Variants in DGCR2 observed in about 807,000 individuals in gnomAD.
The protein encoded by DGCR2 is DiGeorge syndrome critical region gene 2.
DGCR2 carries 24 observed loss-of-function variants against 51.6 expected under a neutral mutation model. The ratio of observed to expected loss-of-function variants is 0.47; its 90% confidence interval spans 0.34 to 0.65. The LOEUF is 0.65. Among genes scored for constraint, DGCR2 ranks in the 30% least tolerant of loss-of-function variants. DGCR2 has a pLI of 0.01. For synonymous variants in DGCR2, 340 were observed against 315.4 expected, an observed-to-expected ratio of 1.08 and a Z score of -0.82; for missense variants, 765 against 772.1, an observed-to-expected ratio of 0.99 and a Z score of 0.11.
chr22:19,059,916 T>C (rs182605077), intron 5 of DGCR2, among the ~76,000 whole-genome samples: 30 of 151,914 alleles, frequency 2.0e-4, no homozygotes, highest in Admixed American at 3.3e-4. Context: ...ATTGTTCGAG[T>C]GGTGGGGAGA....
chr22:19,073,743 C>T (rs538897338), intron 2 of DGCR2, among the ~76,000 whole-genome samples: 1 of 152,334 alleles, frequency 6.6e-6, no homozygotes, highest in East Asian at 1.9e-4. Context: ...AAAATAAGGA[C>T]ACTTCAGACA....
chr22:19,057,193 A>G lies in DGCR2; in HGVS notation c.626-31T>C. On this transcript the variant is annotated intron_variant, in intron 5 of 9. Transcript: ENST00000263196. The surrounding 1 kb of genome is among the most constrained non-coding windows in gnomAD (Gnocchi z 5.1). ...GGGGAGACAAAAGGTGGGGCTGGAC[A>G]ACATCACATCAGAGGACAAGCTGTG... 1 of 1,567,906 alleles carries G rather than the reference A, an allele frequency of 6.4e-7. No individual in the cohort carries two copies. The highest frequency in any genetic ancestry group is 8.7e-7 in the Non-Finnish European group (1 of 1,155,930).
chr22:19,115,015 G>C (rs891515036), intron 1 of DGCR2, among the ~76,000 whole-genome samples: 7 of 152,196 alleles, frequency 4.6e-5, no homozygotes, highest in Admixed American at 3.9e-4. Context: ...ACCTGTAGGG[G>C]ACAAGGGCAC....
At chr22:19,059,129 T>G (rs1414267874) in intron 5 of DGCR2, among the ~76,000 whole-genome samples, 1 of 151,546 alleles carries the variant, frequency 6.6e-6, no homozygotes, top group Non-Finnish European at 1.5e-5. Flanking sequence ...GTGATGAGGG[T>G]AGTGAAGGAA....
At chr22:19,044,020 G>A (rs926505654) in intron 7 of DGCR2, among the ~76,000 whole-genome samples, 6 of 152,220 alleles carry the variant, frequency 3.9e-5, no homozygotes, top group African/African-American at 1.2e-4. Flanking sequence ...GACTGGTGAC[G>A]TGCCTGTTCA....
rs781259836 is a variant in DGCR2, at chr22:19,048,605, C to T, written c.841G>A (p.Glu281Lys). 6.2e-7 allele frequency: 1 copy of T among 1,614,264 alleles called. No homozygotes were observed. Among genetic ancestry groups the T allele is most frequent in the Non-Finnish European group, 8.5e-7 (1 of 1,180,040 alleles). ...CVDIKDNVVDEGFYFTPKGDD... is the reference protein window; with the variant it reads ...CVDIKDNVVDKGFYFTPKGDD... ...CCCTTAGGGGTGAAGTAGAACCCTT[C>T]ATCCACCACGTTGTCCTTGATGTCA... The change falls in exon 7 of 10, where the codon GAA becomes AAA. Residue 281 changes from glutamate (E) to lysine (K), a missense_variant. Glu to Lys is a moderately conservative substitution (Grantham distance 56). Transcript: ENST00000263196.
rs778608803 is a variant in DGCR2, at chr22:19,064,833, C to T, written c.548+15G>A. On this transcript the variant is annotated intron_variant, in intron 4 of 9. Transcript: ENST00000263196. ...CTCTGACTCCAGCCCCTCAGGTCCC[C>T]AATCCAGGACTCACTTGCGCTGGTC... is the stretch of plus-strand genomic sequence containing the variant. 3.7e-6 allele frequency: 6 copies of T among 1,610,214 alleles called. No homozygotes were observed. Among genetic ancestry groups the T allele is most frequent in the Admixed American group, 1.7e-5 (1 of 59,978 alleles).
intron 2 of DGCR2, among the ~76,000 whole-genome samples, chr22:19,071,262 G>A (rs1200569556): frequency 2.0e-5 from 3 of 152,232 alleles, no homozygotes; most frequent in Non-Finnish European, 2.9e-5. Context: ...TGCTTCCCCA[G>A]CACAGGAACA....
intron 2 of DGCR2, among the ~76,000 whole-genome samples, chr22:19,084,714 T>G (rs1326160145): frequency 5.0e-5 from 4 of 79,798 alleles, no homozygotes; most frequent in Admixed American, 1.2e-4. Context: ...GGGAGGGAGG[T>G]GGGGGGTCAG....
chr22:19,120,725 C>A (rs1166356262), intron 1 of DGCR2, among the ~76,000 whole-genome samples: 10 of 152,098 alleles, frequency 6.6e-5, no homozygotes, highest in Admixed American at 5.9e-4. Flanking sequence ...AAAACGGTGA[C>A]CTTCTACCTC....
chr22:19,083,691 TCCC>T (rs1209831465), intron 2 of DGCR2, among the ~76,000 whole-genome samples: 1 of 74,828 alleles, frequency 1.3e-5, no homozygotes, highest in Non-Finnish European at 2.8e-5. Flanking sequence ...CCTCTCCCTC[TCCC>T]CCCTCCCCCT....
chr22:19,080,808 T>C (rs1024895394), intron 2 of DGCR2, among the ~76,000 whole-genome samples: 10 of 152,106 alleles, frequency 6.6e-5, no homozygotes, highest in African/African-American at 2.4e-4. Context: ...TGTACTCCAA[T>C]GGGCAACAGA....
chr22:19,068,406 C>T (rs980490873), intron 2 of DGCR2, among the ~76,000 whole-genome samples, 181 bp from the exon 3 acceptor site: 3 of 152,224 alleles, frequency 2.0e-5, no homozygotes, highest in African/African-American at 4.8e-5. Flanking sequence ...AAATGGGTCC[C>T]GTGTGCTTCT....
chr22:19,085,738 AT>A (rs2083007949), intron 2 of DGCR2, among the ~76,000 whole-genome samples: 1 of 152,066 alleles, frequency 6.6e-6, no homozygotes, highest in African/African-American at 2.4e-5. Flanking sequence ...TTGGTTTTAC[AT>A]TTTTTATACT....
At chr22:19,049,826 C>CAAAAA (rs538842818) in intron 6 of DGCR2, among the ~76,000 whole-genome samples, 2 of 110,280 alleles carry the variant, frequency 1.8e-5, no homozygotes, top group African/African-American at 3.2e-5. Context: ...GACTCTGTCT[C>CAAAAA]AAAAAAAAAA....
chr22:19,058,903 G>A (rs2082631049), intron 5 of DGCR2, among the ~76,000 whole-genome samples: 1 of 152,250 alleles, frequency 6.6e-6, no homozygotes, highest in Non-Finnish European at 1.5e-5. Context: ...CAAGCTGCAT[G>A]GGCACCTGTG....
intron 6 of DGCR2, among the ~76,000 whole-genome samples, chr22:19,052,159 G>A (rs2082554922): frequency 6.6e-6 from 1 of 152,210 alleles, no homozygotes; most frequent in Admixed American, 6.5e-5. Flanking sequence ...GCTCATGCCT[G>A]TAATCCCAGC....
In DGCR2 at chr22:19,086,964, A is replaced by G. The variant is rs562392695; in HGVS notation, c.202+2404T>C. Among the ~76,000 whole-genome samples the G allele has an allele frequency of 1.2e-3, 187 of 152,380 alleles. 1 individual carries two copies. Among genetic ancestry groups the G allele is most frequent in the African/African-American group, 4.4e-3 (182 of 41,592 alleles). ...AACAGGACAGTTATTACAAACAACT[A>G]CAAAAGCAAAGCCAAATGGCACTTT... On this transcript the variant is annotated intron_variant, in intron 2 of 9. Coordinates refer to ENST00000263196, the MANE Select transcript of DGCR2 (RefSeq NM_005137.3).
chr22:19,090,739 C>T (rs2083068983), intron 1 of DGCR2, among the ~76,000 whole-genome samples: 1 of 151,662 alleles, frequency 6.6e-6, no homozygotes, highest in African/African-American at 2.4e-5. Context: ...AATGATGAAC[C>T]CGACTAAAAT....
Sources: gnomAD v4.1 joint callset for allele counts (sites outside exome capture counted in the v4.1 genomes callset) on GRCh38, gnomAD v4.1.1 for gene constraint, Gnocchi (gnomAD v3.1) non-coding constraint, MANE v1.5 for transcripts, NCBI Gene and HGNC (gene_info 2026-07-23, HGNC 2026-07-21) for gene names.